Variants in PRLR observed in about 807,000 individuals in gnomAD.
The protein encoded by PRLR is prolactin receptor, also known as hPRL receptor.
PRLR carries 13 observed loss-of-function variants against 40.2 expected under a neutral mutation model. The observed-to-expected ratio is 0.32, with a 90% confidence interval of 0.21 to 0.51. PRLR has a LOEUF of 0.51. Ranked by LOEUF, PRLR falls within the 20% of genes least tolerant of loss-of-function variation. The pLI, the probability that PRLR is intolerant of heterozygous loss-of-function variation, is 0.97. For missense variants in PRLR, 656 were observed against 747.3 expected (o/e 0.88, Z 1.42); for synonymous variants, 269 against 278.7 (o/e 0.97, Z 0.35).
intron 5 of PRLR, among the ~76,000 whole-genome samples, chr5:35,083,446 C>CTGTG (rs1183506375): frequency 9.2e-5 from 13 of 141,478 alleles, no homozygotes; most frequent in East Asian, 4.2e-4. Flanking sequence ...CTTCCTCTCT[C>CTGTG]TCTGTGTGTG....
intron 2 of PRLR, among the ~76,000 whole-genome samples, chr5:35,106,746 AG>A (rs1456218993): frequency 1.3e-5 from 2 of 152,212 alleles, no homozygotes; most frequent in African/African-American, 2.4e-5. Context: ...GAGACCTGCA[AG>A]GAGACTTATA....
intron 1 of PRLR, among the ~76,000 whole-genome samples, chr5:35,193,716 C>G (rs1679386731): frequency 6.6e-6 from 1 of 152,174 alleles, no homozygotes; most frequent in African/African-American, 2.4e-5. Context: ...CACAGATGTT[C>G]TCTCCGAACA....
intron 1 of PRLR, among the ~76,000 whole-genome samples, chr5:35,200,133 G>T (rs909932438): frequency 6.6e-6 from 1 of 152,204 alleles, no homozygotes; most frequent in Non-Finnish European, 1.5e-5. Context: ...GTCTCGCAGA[G>T]CCTCATTTCT....
At chr5:35,151,509 G>A (rs1386345597) in intron 1 of PRLR, among the ~76,000 whole-genome samples, 1 of 152,084 alleles carries the variant, frequency 6.6e-6, no homozygotes, top group Admixed American at 6.5e-5. Flanking sequence ...CCATCCACAG[G>A]TGGAGTCTGT....
intron 1 of PRLR, among the ~76,000 whole-genome samples, chr5:35,137,686 G>A (rs1773900924): frequency 6.6e-6 from 1 of 152,226 alleles, no homozygotes; most frequent in Non-Finnish European, 1.5e-5. Context: ...GGCAAGACAA[G>A]AAAAGAGATA....
At chr5:35,187,563 G>A (rs1561355147) in intron 1 of PRLR, among the ~76,000 whole-genome samples, 1 of 152,122 alleles carries the variant, frequency 6.6e-6, no homozygotes, top group Non-Finnish European at 1.5e-5. Context: ...CTATGGCTGG[G>A]TGCAAGCCCC....
chr5:35,183,992 G>A (rs999908535), intron 1 of PRLR, among the ~76,000 whole-genome samples: 14 of 152,178 alleles, frequency 9.2e-5, no homozygotes, highest in African/African-American at 3.4e-4. Context: ...CAGTCGATCA[G>A]ACTAGATGTC....
intron 1 of PRLR, among the ~76,000 whole-genome samples, chr5:35,186,094 C>T (rs535997170): frequency 1.3e-5 from 2 of 152,184 alleles, no homozygotes; most frequent in Admixed American, 1.3e-4. Context: ...TATTGCACCA[C>T]ATTGAGGTGC....
At chr5:35,071,430 G>A (rs752670693) in intron 6 of PRLR, among the ~76,000 whole-genome samples, 19 of 152,034 alleles carry the variant, frequency 1.2e-4, no homozygotes, top group African/African-American at 4.1e-4. Context: ...GGTATTAAAC[G>A]ATATTAAGGA....
At chr5:35,147,627 A>T (rs1243981428) in intron 1 of PRLR, among the ~76,000 whole-genome samples, 1 of 152,200 alleles carries the variant, frequency 6.6e-6, no homozygotes. Context: ...GGGCCTCAAA[A>T]TAAAGAATAA....
intron 1 of PRLR, chr5:35,130,101 A>C (rs558862537): frequency 6.6e-6 from 1 of 152,362 alleles, no homozygotes; most frequent in South Asian, 2.1e-4. Context: ...TCTCATGAGC[A>C]CCAACCTGTT....
At chr5:35,150,783 AGAG>A (rs1489585551) in intron 1 of PRLR, among the ~76,000 whole-genome samples, 1 of 152,248 alleles carries the variant, frequency 6.6e-6, no homozygotes, top group African/African-American at 2.4e-5. Flanking sequence ...CACATGCCTT[AGAG>A]GAGACAGGAC....
chr5:35,115,202 T>G (rs1042417285), intron 2 of PRLR, among the ~76,000 whole-genome samples: 1 of 152,194 alleles, frequency 6.6e-6, no homozygotes, highest in African/African-American at 2.4e-5. Context: ...AAGTAGCTAC[T>G]GTATCAGACA....
At chr5:35,204,974 A>G (rs1252966887) in intron 1 of PRLR, among the ~76,000 whole-genome samples, 1 of 152,166 alleles carries the variant, frequency 6.6e-6, no homozygotes, top group Non-Finnish European at 1.5e-5. Context: ...ACACTTGGTT[A>G]TCTATTAAAG....
intron 1 of PRLR, among the ~76,000 whole-genome samples, chr5:35,218,239 C>A (rs1453531155): frequency 6.6e-6 from 1 of 152,092 alleles, no homozygotes; most frequent in South Asian, 2.1e-4. Context: ...TGACACATAT[C>A]ATATAATATT....
At chr5:35,120,125 G>A (rs1017351471) in intron 1 of PRLR, among the ~76,000 whole-genome samples, 3 of 152,080 alleles carry the variant, frequency 2.0e-5, no homozygotes, top group African/African-American at 4.8e-5. Flanking sequence ...CCCACAGTGG[G>A]TAGAGCATGG....
intron 1 of PRLR, among the ~76,000 whole-genome samples, chr5:35,177,471 A>C (rs1775181826): frequency 1.3e-5 from 2 of 149,854 alleles, no homozygotes; most frequent in South Asian, 2.1e-4. Flanking sequence ...CCCCATCCCC[A>C]CCTCTCCCCA....
At position 35,084,454 on chromosome 5, in the gene PRLR, C is replaced by T. The variant is rs201461403; in HGVS notation, c.373+16G>A. ...AGTGGAGTAAGAAATTCCTCACCCA[C>T]TTTCCTTCCCCTTACCTATGTAAGT... On this transcript the variant is annotated intron_variant, in intron 5 of 9. Transcript: ENST00000618457. 1 of 1,541,052 alleles carries T rather than the reference C, an allele frequency of 6.5e-7. No individual in the cohort carries two copies.
At chr5:35,110,287 A>G (rs927930770) in intron 2 of PRLR, among the ~76,000 whole-genome samples, 1 of 152,162 alleles carries the variant, frequency 6.6e-6, no homozygotes, top group Non-Finnish European at 1.5e-5. Context: ...TGGGTGCAGC[A>G]CACCAACATG....
Sources: gnomAD v4.1 joint callset for allele counts (sites outside exome capture counted in the v4.1 genomes callset) on GRCh38, gnomAD v4.1.1 for gene constraint, MANE v1.5 for transcripts, NCBI Gene and HGNC (gene_info 2026-07-23, HGNC 2026-07-21) for gene names.